Variants in WWOX observed in about 807,000 individuals in gnomAD.
The protein encoded by WWOX is WW domain-containing oxidoreductase.
A neutral mutation model predicts 46.2 loss-of-function variants in WWOX; 69 were observed. That is an observed-to-expected ratio of 1.49 (90% CI 1.23 to 1.82). The LOEUF (loss-of-function observed/expected upper bound fraction) is 1.82. Among genes scored for constraint, WWOX ranks in the 40% most tolerant of loss-of-function variants. WWOX has a pLI of 0.00. For synonymous variants in WWOX, 359 were observed against 202.6 expected (o/e 1.77, Z -6.56); for missense variants, 919 against 542.6 (o/e 1.69, Z -6.89).
intron 5 of WWOX, among the ~76,000 whole-genome samples, chr16:78,324,333 C>G (rs949274821): frequency 6.6e-6 from 1 of 152,072 alleles, no homozygotes; most frequent in Non-Finnish European, 1.5e-5. Context: ...AACCCTCACA[C>G]ACCATTGGTG....
intron 8 of WWOX, among the ~76,000 whole-genome samples, chr16:78,823,074 A>G (rs375794916): frequency 5.9e-5 from 9 of 152,368 alleles, no homozygotes; most frequent in Admixed American, 3.9e-4. Flanking sequence ...TGAAGTTTGA[A>G]TACACTTTCA....
At chr16:79,006,491 C>G (rs1350976992) in intron 8 of WWOX, among the ~76,000 whole-genome samples, 1 of 151,702 alleles carries the variant, frequency 6.6e-6, no homozygotes, top group Non-Finnish European at 1.5e-5. Flanking sequence ...CTTTTAGCCC[C>G]TGATCTGAGT....
At chr16:78,967,857 C>G (rs1054222419) in intron 8 of WWOX, among the ~76,000 whole-genome samples, 3 of 152,156 alleles carry the variant, frequency 2.0e-5, no homozygotes, top group East Asian at 1.9e-4. Flanking sequence ...TAAATCAACT[C>G]TGTTGCAGCC....
intron 8 of WWOX, among the ~76,000 whole-genome samples, chr16:79,081,088 G>A (rs1648465227): frequency 1.3e-5 from 2 of 152,110 alleles, no homozygotes; most frequent in Non-Finnish European, 1.5e-5. Context: ...TGGTATAGCT[G>A]CCAGGGGTCA....
At chr16:78,501,988 G>T (rs2085082025) in intron 8 of WWOX, among the ~76,000 whole-genome samples, 1 of 152,128 alleles carries the variant, frequency 6.6e-6, no homozygotes, top group Non-Finnish European at 1.5e-5. Flanking sequence ...CTGGGGGCAT[G>T]GACCTGAGTC....
At chr16:78,643,137 C>G (rs1250246216) in intron 8 of WWOX, among the ~76,000 whole-genome samples, 1 of 152,136 alleles carries the variant, frequency 6.6e-6, no homozygotes, top group African/African-American at 2.4e-5. Flanking sequence ...ATGCAGCTAT[C>G]CAGACCCAAG....
intron 6 of WWOX, among the ~76,000 whole-genome samples, chr16:78,403,082 A>G (rs918179955): frequency 3.3e-5 from 5 of 152,224 alleles, no homozygotes; most frequent in East Asian, 1.9e-4. Flanking sequence ...ACAGCTCCAT[A>G]TATCTCTAGG....
chr16:78,219,187 T>G (rs1286761153), intron 5 of WWOX, among the ~76,000 whole-genome samples: 1 of 151,272 alleles, frequency 6.6e-6, no homozygotes, highest in Non-Finnish European at 1.5e-5. Flanking sequence ...ACTCTTAAAT[T>G]AAGTGGAGCA....
At chr16:78,994,694 G>A (rs1265796609) in intron 8 of WWOX, among the ~76,000 whole-genome samples, 1 of 152,106 alleles carries the variant, frequency 6.6e-6, no homozygotes, top group Non-Finnish European at 1.5e-5. Flanking sequence ...ACAGTGGGGG[G>A]TGGAATCAAA....
intron 5 of WWOX, among the ~76,000 whole-genome samples, chr16:78,329,280 C>T (rs944524522): frequency 6.6e-6 from 1 of 152,152 alleles, no homozygotes; most frequent in Admixed American, 6.5e-5. Context: ...CCTCTGGCTA[C>T]TTTTGTCCAG....
rs185280529 is a variant in WWOX at position 79,098,181 on chromosome 16, G to A, written c.1057-113427G>A. ...CCTGGGAGCTTGAAAACACACAGATGCCTGGGCCTCACCATCCAGAGAGAC... is the reference window on the plus strand; with the variant it reads ...CCTGGGAGCTTGAAAACACACAGATACCTGGGCCTCACCATCCAGAGAGAC... On this transcript the variant is annotated intron_variant, in intron 8 of 8. Transcript: ENST00000566780. Among the ~76,000 whole-genome samples, 591 of 152,288 alleles carry A rather than the reference G, an allele frequency of 3.9e-3. 6 individuals are homozygous for A. The highest frequency in any genetic ancestry group is 0.014 in the African/African-American group (564 of 41,562).
At chr16:78,575,052 T>TATATATATATATATATATATAA (rs2044835666) in intron 8 of WWOX, among the ~76,000 whole-genome samples, 2 of 13,354 alleles carry the variant, frequency 1.5e-4, no homozygotes, top group Non-Finnish European at 3.0e-4. Flanking sequence ...TATATATATA[T>TATATATATATATATATATATAA]ATATATATAT....
At chr16:78,935,854 G>T (rs370280086) in intron 8 of WWOX, among the ~76,000 whole-genome samples, 7 of 152,116 alleles carry the variant, frequency 4.6e-5, no homozygotes, top group South Asian at 2.1e-4. Flanking sequence ...AGAGGCTGCA[G>T]TGAGCTCACA....
chr16:79,098,712 A>G (rs1173928015), intron 8 of WWOX, among the ~76,000 whole-genome samples: 6 of 152,242 alleles, frequency 3.9e-5, no homozygotes, highest in Admixed American at 3.9e-4. Flanking sequence ...AGGCAGGTCA[A>G]CATAAATGAG....
chr16:78,400,029 G>T (rs538519387), intron 6 of WWOX, among the ~76,000 whole-genome samples: 13 of 152,108 alleles, frequency 8.5e-5, no homozygotes, highest in Admixed American at 2.0e-4. Flanking sequence ...TTAATATTGT[G>T]AGTCCTTTCT....
intron 8 of WWOX, among the ~76,000 whole-genome samples, chr16:78,946,615 C>A (rs2045953641): frequency 6.6e-6 from 1 of 152,180 alleles, no homozygotes; most frequent in Non-Finnish European, 1.5e-5. Context: ...GAGTTTCTTT[C>A]TGTCTTCATC....
intron 8 of WWOX, among the ~76,000 whole-genome samples, chr16:79,172,660 G>GT (rs542305406): frequency 2.0e-5 from 3 of 152,232 alleles, no homozygotes; most frequent in Admixed American, 6.5e-5. Context: ...ACTGTGAGGT[G>GT]TTTTTTTGTT....
intron 6 of WWOX, among the ~76,000 whole-genome samples, chr16:78,417,119 C>A (rs767411705): frequency 4.0e-5 from 6 of 151,808 alleles, no homozygotes; most frequent in Non-Finnish European, 8.8e-5. Context: ...GTTGCCCAGG[C>A]TGGAGATCAG....
At chr16:78,958,822 A>G (rs973711048) in intron 8 of WWOX, among the ~76,000 whole-genome samples, 1 of 152,222 alleles carries the variant, frequency 6.6e-6, no homozygotes, top group African/African-American at 2.4e-5. Context: ...GCACAGGGGA[A>G]GGAAGGTTAT....
Sources: allele counts gnomAD v4.1 joint callset (sites outside exome capture counted in the v4.1 genomes callset), GRCh38; gene constraint gnomAD v4.1.1; transcripts MANE v1.5; gene names NCBI Gene and HGNC (gene_info 2026-07-23, HGNC 2026-07-21).